Variants in DAAM1 observed in about 807,000 individuals in gnomAD.
DAAM1 encodes the protein dishevelled associated activator of morphogenesis 1.
In DAAM1, 52 loss-of-function variants were observed where a neutral mutation model predicts 130.0. The observed-to-expected ratio is 0.40, with a 90% CI of 0.32 to 0.50. DAAM1 has a LOEUF of 0.50. Among genes scored for constraint, DAAM1 ranks in the 20% least tolerant of loss-of-function variants. The pLI, the probability that DAAM1 is intolerant of heterozygous loss-of-function variation, is 0.61. For missense variants in DAAM1, 1,134 were observed against 1,303.8 expected, an observed-to-expected ratio of 0.87 and a Z score of 2.01; for synonymous variants, 452 against 444.5, an observed-to-expected ratio of 1.02 and a Z score of -0.21.
chr14:59,317,537 C>T (rs933234931), intron 4 of DAAM1, among the ~76,000 whole-genome samples: 7 of 152,174 alleles, frequency 4.6e-5, no homozygotes, highest in Non-Finnish European at 8.8e-5. Flanking sequence ...AGCAGCTAGA[C>T]TCTTTGGTTG....
At chr14:59,271,928 A>G (rs1882726741) in intron 2 of DAAM1, among the ~76,000 whole-genome samples, 2 of 152,220 alleles carry the variant, frequency 1.3e-5, no homozygotes, top group South Asian at 4.1e-4. Flanking sequence ...GAAAGATGAA[A>G]AAATTGCGTA....
intron 15 of DAAM1, among the ~76,000 whole-genome samples, chr14:59,336,003 GA>G (rs1162467948): frequency 6.6e-6 from 1 of 151,470 alleles, no homozygotes; most frequent in Non-Finnish European, 1.5e-5. Context: ...ACAGAAGAGA[GA>G]AATATAAATA....
intron 1 of DAAM1, among the ~76,000 whole-genome samples, chr14:59,255,107 T>A (rs1259485319): frequency 2.0e-5 from 3 of 152,182 alleles, no homozygotes; most frequent in African/African-American, 7.2e-5. Context: ...TGCATATTGG[T>A]TTCCCTGTGC....
Position 59,326,641 on chromosome 14 carries a change from G to T in DAAM1, c.1306G>T (p.Val436Leu), listed in dbSNP as rs145334981. ...GGAAAACTTTAATATTAAGAATGTC[G>T]TACGAATGTAAGTCTCTTCTTATTC... Reference protein sequence around the residue: ...PLENFNIKNVVRMLVNENEVK... With the variant: ...PLENFNIKNVLRMLVNENEVK... Residue 436 changes from valine (V) to leucine (L), a missense_variant, in exon 11 of 25, where the codon GTA becomes TTA. By Grantham distance (32) the Val-to-Leu change is conservative. This residue lies in a region of DAAM1 where 391 missense variants were observed against 521.6 expected (regional missense o/e 0.75). Transcript: ENST00000360909. 17 of 1,611,684 alleles carry T rather than the reference G, an allele frequency of 1.1e-5. No homozygotes were observed. Among genetic ancestry groups the T allele is most frequent in the African/African-American group, 1.3e-5 (1 of 74,748 alleles).
At chr14:59,322,329 T>C (rs545325361) in intron 5 of DAAM1, among the ~76,000 whole-genome samples, 32 of 151,696 alleles carry the variant, frequency 2.1e-4, no homozygotes, top group South Asian at 6.3e-4. Flanking sequence ...CTGGGCAACA[T>C]AGCAAGTCTC....
At chr14:59,285,386 A>G (rs997093109) in intron 2 of DAAM1, among the ~76,000 whole-genome samples, 2 of 152,280 alleles carry the variant, frequency 1.3e-5, no homozygotes, top group African/African-American at 4.8e-5. Flanking sequence ...TCAAGTCTAC[A>G]TAACAACCAG....
At chr14:59,251,206 G>A (rs1468593441) in intron 1 of DAAM1, among the ~76,000 whole-genome samples, 1 of 152,300 alleles carries the variant, frequency 6.6e-6, no homozygotes, top group African/African-American at 2.4e-5. Flanking sequence ...GAACACCTTT[G>A]TTGATACATC....
intron 2 of DAAM1, among the ~76,000 whole-genome samples, chr14:59,273,394 T>C (rs1226678202): frequency 2.0e-5 from 3 of 152,150 alleles, no homozygotes; most frequent in African/African-American, 4.8e-5. Context: ...TGAGGGAGCA[T>C]GAAGAGGTGG....
chr14:59,301,764 C>T (rs1884180943), intron 3 of DAAM1, among the ~76,000 whole-genome samples: 1 of 152,174 alleles, frequency 6.6e-6, no homozygotes, highest in South Asian at 2.1e-4. Flanking sequence ...TTTGGATATT[C>T]AGAAGTTGAG....
intron 1 of DAAM1, among the ~76,000 whole-genome samples, chr14:59,218,151 C>G (rs1321496306): frequency 6.6e-6 from 1 of 151,978 alleles, no homozygotes; most frequent in African/African-American, 2.4e-5. Context: ...GAAAAAAATT[C>G]AAGATTAATT....
At chr14:59,368,553 T>C in intron 24 of DAAM1, 97 bp from the exon 25 acceptor site, 2 of 1,250,194 alleles carry the variant, frequency 1.6e-6, no homozygotes, top group South Asian at 3.0e-5. Context: ...TAGCTTGGTG[T>C]CTGGAGCATT....
At position 59,303,084 on chromosome 14, in the gene DAAM1, A is replaced by G. The variant is rs556414397; in HGVS notation, c.273+11778A>G. Among the ~76,000 whole-genome samples, 21 of 152,336 alleles carry G rather than the reference A, an allele frequency of 1.4e-4. 1 individual carries two copies. The South Asian group carries it at 4.1e-3, about 30-fold the overall frequency. ...CCTCCGTGGTTGTCACAGAATGTTT[A>G]TCAACAGTGCTATGGTGGAACCAAG... On this transcript the variant is annotated intron_variant, in intron 3 of 24. Transcript: ENST00000360909.
At chr14:59,257,394 C>A in intron 1 of DAAM1, among the ~76,000 whole-genome samples, 1 of 148,546 alleles carries the variant, frequency 6.7e-6, no homozygotes. Flanking sequence ...AAAAAAGGCA[C>A]TCAAATATGT....
chr14:59,371,258 AT>A lies in DAAM1; in HGVS notation c.*2401del, dbSNP rs1887162011. ...AACTTAATTATATGTCTTATATCTT[AT>A]TAGCTTAGTAGTTGGAACCACTTAG... On this transcript the variant is annotated 3_prime_UTR_variant, in exon 25 of 25. Coordinates refer to ENST00000360909, the MANE Select transcript of DAAM1 (RefSeq NM_001270520.2). The A allele has an allele frequency of 6.6e-6, 1 of 152,102 alleles. No homozygotes were observed. Among genetic ancestry groups the A allele is most frequent in the Non-Finnish European group, 1.5e-5 (1 of 68,004 alleles). 9.4% of individuals were successfully genotyped at this position (152,102 alleles called of 1,614,324 possible).
At chr14:59,324,519 A>G in intron 8 of DAAM1, 65 bp downstream of exon 8, 1 of 1,053,502 alleles carries the variant, frequency 9.5e-7, no homozygotes, top group Non-Finnish European at 1.3e-6. Flanking sequence ...GCAATACCTC[A>G]TCAAGTGCTG....
At chr14:59,232,785 C>T (rs1889152733) in intron 1 of DAAM1, among the ~76,000 whole-genome samples, 1 of 151,998 alleles carries the variant, frequency 6.6e-6, no homozygotes, top group Non-Finnish European at 1.5e-5. Context: ...AAATGCTCTC[C>T]CTCCCCTTGC....
At chr14:59,259,387 T>C (rs1390388232) in intron 1 of DAAM1, among the ~76,000 whole-genome samples, 1 of 152,232 alleles carries the variant, frequency 6.6e-6, no homozygotes, top group Non-Finnish European at 1.5e-5. Context: ...AAATGAGCTT[T>C]GAAGGCTGAA....
In DAAM1 at chr14:59,323,842, C is replaced by T. The variant is rs1437801212; in HGVS notation, c.775-286C>T. On this transcript the variant is annotated intron_variant, in intron 6 of 24. Transcript: ENST00000360909. ...GGTCAGGAGATCGAGACTGTCCTGG[C>T]TAACACAGTGAAACCCCGTCTCTAC... Among the ~76,000 whole-genome samples the T allele has an allele frequency of 1.3e-5, 2 of 151,906 alleles. 1 individual carries two copies. Among genetic ancestry groups the T allele is most frequent in the South Asian group, 4.2e-4 (2 of 4,804 alleles).
intron 1 of DAAM1, among the ~76,000 whole-genome samples, chr14:59,248,806 T>C (rs1253989852): frequency 6.6e-6 from 1 of 152,172 alleles, no homozygotes; most frequent in Admixed American, 6.5e-5. Flanking sequence ...TGTTTTGAGA[T>C]GGAGTCTCGC....
Sources: gnomAD v4.1 joint callset for allele counts (sites outside exome capture counted in the v4.1 genomes callset) on GRCh38, gnomAD v4.1.1 for gene constraint, gnomAD v4.1.1 regional missense constraint, MANE v1.5 for transcripts, NCBI Gene and HGNC (gene_info 2026-07-23, HGNC 2026-07-21) for gene names.